Variants in IFT88 observed in about 807,000 individuals in gnomAD.
IFT88 encodes intraflagellar transport 88.
A neutral mutation model predicts 119.5 loss-of-function variants in IFT88; 74 were observed. The ratio of observed to expected loss-of-function variants is 0.62; its 90% CI spans 0.51 to 0.75. The LOEUF is 0.75. Ranked by LOEUF, IFT88 falls within the 30% of genes least tolerant of loss-of-function variation. IFT88 has a pLI of 0.00. For missense variants in IFT88, 961 were observed against 977.7 expected, an observed-to-expected ratio of 0.98 and a Z score of 0.23; for synonymous variants, 279 against 316.7, an observed-to-expected ratio of 0.88 and a Z score of 1.26.
chr13:20,596,213 T>C lies in IFT88; in HGVS notation c.462T>C (p.Ile154=), dbSNP rs749569534. 3 of 1,552,378 alleles carry C rather than the reference T, an allele frequency of 1.9e-6. No individual in the cohort carries two copies. The South Asian group carries it at 3.6e-5, about 18-fold the overall frequency. Residue 154 remains isoleucine, a synonymous_variant, in exon 8 of 26, where the codon ATT becomes ATC. Transcript: ENST00000351808. ...EVNELVEESC[I]ANSCGDLKLA... ...ATGAGTTGGTAGAAGAAAGCTGTATTGCCAATAGTTGTGGAGACTTAAAAT... is the reference window on the plus strand; with the variant it reads ...ATGAGTTGGTAGAAGAAAGCTGTATCGCCAATAGTTGTGGAGACTTAAAAT...
chr13:20,641,600 A>T (rs1406219370), intron 18 of IFT88: 1 of 417,954 alleles, frequency 2.4e-6, no homozygotes, highest in African/African-American at 2.0e-5. Context: ...TCGAAAGAGG[A>T]ATTAATGGTT....
chr13:20,675,598 G>T (rs79685785), intron 24 of IFT88, among the ~76,000 whole-genome samples: 1,896 of 152,262 alleles, frequency 0.012, 43 homozygotes, highest in African/African-American at 0.044. Context: ...GACTTTTTCT[G>T]TAAAGGGCCA....
rs140844566 is a variant in IFT88, at chr13:20,599,835, T to C, written c.812+270T>C. 5.1e-4 allele frequency among the ~76,000 whole-genome samples: 78 copies of C among 152,252 alleles called. 2 individuals are homozygous for C. The East Asian group carries it at 0.013, about 25-fold the overall frequency. ...CCTGAAGGCCATTACTACCCTGATA[T>C]AACTTAATGCGGACACAAAATCATA... is the stretch of plus-strand genomic sequence containing the variant. On this transcript the variant is annotated intron_variant, in intron 11 of 25. Transcript: ENST00000351808.
chr13:20,673,021 A>T (rs759989012), intron 24 of IFT88, among the ~76,000 whole-genome samples: 11 of 152,162 alleles, frequency 7.2e-5, no homozygotes, highest in Non-Finnish European at 1.2e-4. Flanking sequence ...AGGAAGCAGG[A>T]AGTACGTGAT....
chr13:20,584,169 T>C (rs867695594), intron 3 of IFT88, among the ~76,000 whole-genome samples: 1 of 124,346 alleles, frequency 8.0e-6, no homozygotes, highest in African/African-American at 2.8e-5. Flanking sequence ...AAAAAAAAAA[T>C]GTCATTTGGA....
At chr13:20,594,471 AAAG>A (rs1172236001) in intron 7 of IFT88, among the ~76,000 whole-genome samples, 2 of 152,172 alleles carry the variant, frequency 1.3e-5, no homozygotes, top group African/African-American at 4.8e-5. Flanking sequence ...TTCTGCATGC[AAAG>A]AAGAAGGGCG....
chr13:20,619,878 G>A (rs111593405), intron 14 of IFT88, among the ~76,000 whole-genome samples: 122 of 152,070 alleles, frequency 8.0e-4, no homozygotes, highest in African/African-American at 2.9e-3. Context: ...CAAATACTTG[G>A]TGTATTTTGT....
At chr13:20,640,627 G>A (rs984074798) in intron 17 of IFT88, among the ~76,000 whole-genome samples, 1 of 149,550 alleles carries the variant, frequency 6.7e-6, no homozygotes, top group Non-Finnish European at 1.5e-5. Context: ...TTAATGTATA[G>A]TCAGTTGTTC....
chr13:20,589,814 A>G lies in IFT88; in HGVS notation c.157A>G (p.Thr53Ala), dbSNP rs753211125. ...RTSHGRRPPITAKISSTAVTR... is the reference protein window; with the variant it reads ...RTSHGRRPPIAAKISSTAVTR... ...TATGTTCTTTTTCCTCCCCAAGATA[A>G]CTGCTAAAATATCAAGCACGGCAGT... Residue 53 changes from threonine to alanine, a missense_variant, in exon 4 of 26, where the codon ACT becomes GCT. Coordinates refer to ENST00000351808, the MANE Select transcript of IFT88 (RefSeq NM_006531.5). 1.3e-6 allele frequency: 2 copies of G among 1,596,346 alleles called. No individual in the cohort carries two copies. Among genetic ancestry groups the G allele is most frequent in the South Asian group, 2.3e-5 (2 of 88,330 alleles).
chr13:20,663,513 T>C lies in IFT88; in HGVS notation c.2084T>C (p.Val695Ala), dbSNP rs2140850526. Residue 695 changes from valine (V) to alanine (A), a missense_variant, in exon 23 of 26, where the codon GTT becomes GCT. Transcript: ENST00000351808. The part of the protein sequence containing the change: ...PENVECLRFL[V>A]RLCTDLGLKD... ...TACAATTTAGGTCTGCGTTTCTTAG[T>C]TCGTCTCTGCACAGATCTTGGATTA... is the stretch of plus-strand genomic sequence containing the variant. 1 of 1,613,546 alleles carries C rather than the reference T, an allele frequency of 6.2e-7. No homozygotes were observed. Among genetic ancestry groups the C allele is most frequent in the South Asian group, 1.1e-5 (1 of 90,932 alleles).
chr13:20,638,294 C>A (rs2049330832), intron 16 of IFT88, 38 bp from the exon 17 acceptor site: 2 of 1,110,086 alleles, frequency 1.8e-6, no homozygotes, highest in Non-Finnish European at 2.4e-6. Context: ...AAAGGTATTT[C>A]ATGAAATTCA....
intron 14 of IFT88, among the ~76,000 whole-genome samples, chr13:20,621,985 ATT>A (rs1248325790): frequency 6.6e-6 from 1 of 152,164 alleles, no homozygotes; most frequent in Non-Finnish European, 1.5e-5. Context: ...GGTTGGAATC[ATT>A]TAGTATGTTG....
intron 5 of IFT88, 136 bp downstream of exon 5, chr13:20,591,156 A>G (rs2040601527): frequency 1.5e-6 from 1 of 646,144 alleles, no homozygotes. Flanking sequence ...GATTCTTTAA[A>G]TTGTGGGCTA....
Position 20,690,825 on chromosome 13 carries a change from C to A in IFT88, c.2353+10C>A. ...AGTAACAAAGAAATAGGCAAGTACT[C>A]TCCACCCAGTTCCTCCAGGCATAGC... On this transcript the variant is annotated intron_variant, in intron 25 of 25. Coordinates refer to ENST00000351808, the MANE Select transcript of IFT88 (RefSeq NM_006531.5). 1 of 1,577,332 alleles carries A rather than the reference C, an allele frequency of 6.3e-7. No homozygotes were observed. The highest frequency in any genetic ancestry group is 8.7e-7 in the Non-Finnish European group (1 of 1,146,590).
chr13:20,639,282 GT>G (rs2049490142), intron 17 of IFT88, among the ~76,000 whole-genome samples: 1 of 152,102 alleles, frequency 6.6e-6, no homozygotes, highest in Admixed American at 6.5e-5. Context: ...CTGTCTCCTG[GT>G]ATTCAGGAGT....
chr13:20,631,870 G>C (rs1255807312), intron 16 of IFT88: 1 of 152,154 alleles, frequency 6.6e-6, no homozygotes, highest in Non-Finnish European at 1.5e-5. Context: ...ATTATAGGTA[G>C]GTGTGGTGCC....
At chr13:20,594,037 C>T (rs1283074642) in intron 7 of IFT88, among the ~76,000 whole-genome samples, 3 of 149,716 alleles carry the variant, frequency 2.0e-5, no homozygotes, top group African/African-American at 4.9e-5. Flanking sequence ...GGTGACAGAG[C>T]GAGACCCTGT....
intron 14 of IFT88, among the ~76,000 whole-genome samples, chr13:20,616,942 T>G (rs73165417): frequency 0.17 from 25,067 of 151,820 alleles, 2,413 homozygotes; most frequent in African/African-American, 0.25. Context: ...TTGGTTTTTT[T>G]TTGTTGTTGT....
rs765872691 is a variant in IFT88 at position 20,605,096 on chromosome 13, A to C, written c.1103A>C (p.Glu368Ala). The C allele has an allele frequency of 2.1e-6, 3 of 1,426,038 alleles. No individual in the cohort carries two copies. Among genetic ancestry groups the C allele is most frequent in the Non-Finnish European group, 2.9e-6 (3 of 1,017,884 alleles). The allele number at this position is 1,426,038 out of a possible 1,614,324, so 88.3% of individuals were successfully genotyped here. The change falls in exon 13 of 26, where the codon GAA (glutamate) becomes GCA (alanine). Residue 368 changes from glutamate to alanine, a missense_variant. Physicochemically the swap from Glu to Ala is moderately radical, Grantham distance 107. Coordinates refer to ENST00000351808, the MANE Select transcript of IFT88 (RefSeq NM_006531.5). Reference sequence around the variant, plus strand: ...AAAAATGATCACCTCAGGCAAATGGAACGTGAAAGGTAATATTTTAAACTT... The same window carrying C: ...AAAAATGATCACCTCAGGCAAATGGCACGTGAAAGGTAATATTTTAAACTT... ...AIKNDHLRQM[E>A]RERKAMAEKY...
Sources: allele counts gnomAD v4.1 joint callset (sites outside exome capture counted in the v4.1 genomes callset), GRCh38; gene constraint gnomAD v4.1.1; transcripts MANE v1.5; gene names NCBI Gene and HGNC (gene_info 2026-07-23, HGNC 2026-07-21).